SLC35F3: variants seen among roughly 807,000 people sequenced by gnomAD.
SLC35F3 encodes the protein putative thiamine transporter SLC35F3.
In SLC35F3, 25 loss-of-function variants were observed where a neutral mutation model predicts 49.9. That is an observed-to-expected ratio of 0.50 (90% CI 0.37 to 0.70). The LOEUF (loss-of-function observed/expected upper bound fraction) is 0.70. Ranked by LOEUF, SLC35F3 falls within the 30% of genes least tolerant of loss-of-function variation. The pLI is 0.00. For synonymous variants in SLC35F3, 275 were observed against 265.4 expected (o/e 1.04, Z -0.35); for missense variants, 525 against 639.8 (o/e 0.82, Z 1.94).
intron 2 of SLC35F3, among the ~76,000 whole-genome samples, chr1:234,222,256 C>T (rs1667218239): frequency 6.6e-6 from 1 of 152,014 alleles, no homozygotes. Context: ...ATCTCAATGC[C>T]CAGGAATGAG....
chr1:233,955,034 G>A (rs1364968106), intron 2 of SLC35F3, among the ~76,000 whole-genome samples: 3 of 151,918 alleles, frequency 2.0e-5, no homozygotes, highest in Admixed American at 6.6e-5. Context: ...AGTGGAGATG[G>A]GGTTTCACCA....
At chr1:234,281,113 G>A (rs1451683281) in intron 3 of SLC35F3, among the ~76,000 whole-genome samples, 2 of 152,034 alleles carry the variant, frequency 1.3e-5, no homozygotes, top group Middle Eastern at 3.4e-3. Flanking sequence ...ATATGCTGAA[G>A]CCCTAACCCC....
chr1:233,935,320 T>G (rs569251746), intron 2 of SLC35F3, among the ~76,000 whole-genome samples: 1 of 150,568 alleles, frequency 6.6e-6, no homozygotes, highest in Non-Finnish European at 1.5e-5. Context: ...ACACATCTTT[T>G]TGTGTCAGGC....
chr1:234,076,589 G>A (rs900024637), intron 2 of SLC35F3, among the ~76,000 whole-genome samples: 15 of 151,830 alleles, frequency 9.9e-5, no homozygotes, highest in Middle Eastern at 3.2e-3. Flanking sequence ...AGCCTACCAA[G>A]TAGCTGGGAT....
intron 3 of SLC35F3, among the ~76,000 whole-genome samples, chr1:234,291,447 G>T (rs1292453089): frequency 1.3e-5 from 2 of 152,076 alleles, no homozygotes; most frequent in Non-Finnish European, 2.9e-5. Flanking sequence ...AATGGAGCAG[G>T]GTAGCACAGA....
At chr1:234,126,189 C>T (rs562606323) in intron 2 of SLC35F3, among the ~76,000 whole-genome samples, 9 of 152,258 alleles carry the variant, frequency 5.9e-5, no homozygotes, top group South Asian at 2.1e-4. Flanking sequence ...TTCAGATTCA[C>T]GCATCTCTCT....
chr1:234,318,782 A>G lies in SLC35F3; in HGVS notation c.986A>G (p.Lys329Arg), dbSNP rs758151372. ...VLFKLLLGSA[K>R]FGEAALFLSI... is the part of the protein sequence containing the mutation. The stretch of plus-strand genomic sequence containing the variant: ...TTCAAGCTCCTCCTGGGCAGTGCTA[A>G]GTTTGGAGAAGCCGCCTTATTTTTG... The change falls in exon 6 of 8, where the codon AAG (lysine) becomes AGG (arginine). Residue 329 changes from lysine (K) to arginine (R), a missense_variant. This residue lies in a region of SLC35F3 where 216 missense variants were observed against 298.1 expected (regional missense o/e 0.72). Transcript: ENST00000366618. The G allele has an allele frequency of 2.8e-5, 45 of 1,614,006 alleles. No homozygotes were observed. The highest frequency in any genetic ancestry group is 3.7e-5 in the Non-Finnish European group (44 of 1,180,016).
chr1:234,123,174 G>A (rs1346957940), intron 2 of SLC35F3, among the ~76,000 whole-genome samples: 1 of 152,208 alleles, frequency 6.6e-6, no homozygotes, highest in Non-Finnish European at 1.5e-5. Context: ...ACTGGAGTGA[G>A]AGGGTATCTC....
At chr1:234,266,795 A>G (rs1475106586) in intron 3 of SLC35F3, among the ~76,000 whole-genome samples, 1 of 152,028 alleles carries the variant, frequency 6.6e-6, no homozygotes, top group African/African-American at 2.4e-5. Flanking sequence ...GTCCAGTAAA[A>G]TATGGTATTA....
intron 2 of SLC35F3, among the ~76,000 whole-genome samples, chr1:234,068,823 T>TTA (rs10645395): frequency 0.037 from 2,613 of 71,080 alleles, 303 homozygotes; most frequent in African/African-American, 0.048. Context: ...ATTTGAGACA[T>TTA]TATATATATA....
chr1:233,968,541 G>A (rs1558192489), intron 2 of SLC35F3, among the ~76,000 whole-genome samples: 1 of 151,946 alleles, frequency 6.6e-6, no homozygotes, highest in Non-Finnish European at 1.5e-5. Flanking sequence ...ATGCTGGAGT[G>A]TGGTGGCATA....
intron 2 of SLC35F3, among the ~76,000 whole-genome samples, chr1:234,105,125 T>TAAA (rs4027096): frequency 0.26 from 34,165 of 129,840 alleles, 4,439 homozygotes; most frequent in Non-Finnish European, 0.29. Context: ...GAGACTCCGT[T>TAAA]AAAAAAAAAA....
intron 2 of SLC35F3, among the ~76,000 whole-genome samples, chr1:234,050,416 G>A (rs910662547): frequency 2.0e-5 from 3 of 152,120 alleles, no homozygotes; most frequent in Non-Finnish European, 4.4e-5. Flanking sequence ...TCATGTGTCT[G>A]TTGGCTGCAT....
chr1:234,313,872 CT>C (rs1466975369), intron 4 of SLC35F3, among the ~76,000 whole-genome samples: 22 of 152,164 alleles, frequency 1.4e-4, no homozygotes, highest in African/African-American at 5.3e-4. Flanking sequence ...TATGTGCATA[CT>C]TTTTAAAAGA....
At chr1:234,104,452 G>A (rs1230500057) in intron 2 of SLC35F3, among the ~76,000 whole-genome samples, 2 of 152,076 alleles carry the variant, frequency 1.3e-5, no homozygotes, top group Non-Finnish European at 2.9e-5. Context: ...AGATGCAAAA[G>A]ATAAAAGATT....
intron 2 of SLC35F3, among the ~76,000 whole-genome samples, chr1:233,945,713 G>A (rs1337012102): frequency 6.6e-6 from 1 of 152,198 alleles, no homozygotes; most frequent in Non-Finnish European, 1.5e-5. Flanking sequence ...GTGGTAATGA[G>A]TAAGTCTCAC....
chr1:234,313,712 T>C (rs887420670), intron 4 of SLC35F3, among the ~76,000 whole-genome samples: 1 of 151,882 alleles, frequency 6.6e-6, no homozygotes, highest in Non-Finnish European at 1.5e-5. Context: ...GGGGCCCCAG[T>C]AGGGAGAAGA....
At chr1:234,104,390 T>C (rs1464479990) in intron 2 of SLC35F3, among the ~76,000 whole-genome samples, 2 of 152,152 alleles carry the variant, frequency 1.3e-5, no homozygotes, top group Non-Finnish European at 2.9e-5. Flanking sequence ...AAATCAGCCC[T>C]GTTGAAAGGG....
At chr1:234,175,174 C>T (rs968514695) in intron 2 of SLC35F3, among the ~76,000 whole-genome samples, 1 of 152,214 alleles carries the variant, frequency 6.6e-6, no homozygotes, top group Admixed American at 6.5e-5. Context: ...AAATGCCTCT[C>T]ACTTCAATGT....
Sources: allele counts gnomAD v4.1 joint callset (sites outside exome capture counted in the v4.1 genomes callset), GRCh38; gene constraint gnomAD v4.1.1; regional missense constraint gnomAD v4.1.1; transcripts MANE v1.5; gene names NCBI Gene and HGNC (gene_info 2026-07-23, HGNC 2026-07-21).